The following CSMD1 variants were observed in gnomAD, a reference collection of about 807,000 sequenced individuals.
The protein encoded by CSMD1 is CUB and sushi domain-containing protein 1.
CSMD1 carries 213 observed loss-of-function variants against 417.5 expected under a neutral mutation model. That is an observed-to-expected ratio of 0.51 (90% CI 0.46 to 0.57). The LOEUF is 0.57. Ranked by LOEUF, CSMD1 falls within the 20% of genes least tolerant of loss-of-function variation. The probability of loss-of-function intolerance (pLI) is 0.00; values close to 1 mark genes in which losing one functional copy is unlikely to be tolerated. For missense variants in CSMD1, 6,923 were observed against 4,529.7 expected (o/e 1.53, Z -15.17); for synonymous variants, 2,862 against 1,736.8 (o/e 1.65, Z -16.11).
intron 12 of CSMD1, among the ~76,000 whole-genome samples, 184 bp downstream of exon 12, chr8:3,468,528 G>T (rs931894784): frequency 2.6e-5 from 4 of 152,152 alleles, no homozygotes; most frequent in African/African-American, 9.7e-5. Flanking sequence ...CGAGTTTTCA[G>T]AAGTTAAACA....
chr8:4,524,595 T>A (rs577652381), intron 2 of CSMD1, among the ~76,000 whole-genome samples: 1 of 135,938 alleles, frequency 7.4e-6, no homozygotes, highest in South Asian at 2.4e-4. Context: ...TTTGGTTTGG[T>A]TTGGGTTTTT....
chr8:2,966,267 G>C (rs1483221997), intron 58 of CSMD1, among the ~76,000 whole-genome samples: 1 of 152,124 alleles, frequency 6.6e-6, no homozygotes, highest in Non-Finnish European at 1.5e-5. Context: ...GAGAACCAAA[G>C]ACATTTCTTC....
chr8:4,540,013 T>G (rs1006444678), intron 2 of CSMD1, among the ~76,000 whole-genome samples: 1 of 152,148 alleles, frequency 6.6e-6, no homozygotes, highest in South Asian at 2.1e-4. Flanking sequence ...CGGGGCCCTC[T>G]TCCCCTCCTC....
intron 9 of CSMD1, among the ~76,000 whole-genome samples, chr8:3,578,043 G>A (rs984201722): frequency 6.6e-6 from 1 of 152,096 alleles, no homozygotes; most frequent in African/African-American, 2.4e-5. Flanking sequence ...TATTACCTGG[G>A]CCAGGAAAGC....
chr8:4,420,820 G>A (rs553797324), intron 2 of CSMD1, among the ~76,000 whole-genome samples: 1 of 152,134 alleles, frequency 6.6e-6, no homozygotes, highest in African/African-American at 2.4e-5. Flanking sequence ...CCACATTCTG[G>A]TAAGTAGCTT....
chr8:3,716,769 A>G (rs1343762894), intron 6 of CSMD1, among the ~76,000 whole-genome samples: 1 of 152,142 alleles, frequency 6.6e-6, no homozygotes, highest in Non-Finnish European at 1.5e-5. Flanking sequence ...GCCTCTTGAC[A>G]ATATGGTTCA....
Position 4,042,815 on chromosome 8 carries a change from T to TA in CSMD1, c.416-10717dup, listed in dbSNP as rs60411612. 5.3e-3 allele frequency among the ~76,000 whole-genome samples: 219 copies of TA among 41,308 alleles called. 12 individuals are homozygous for TA. The highest frequency in any genetic ancestry group is 0.023 in the East Asian group (34 of 1,454). The allele number at this position is 41,308 out of a possible 152,430, so 27.1% of individuals were successfully genotyped here. A position where few individuals can be genotyped will look rare whatever the true frequency, so the allele number is the denominator to read the frequency against. ...CAATAGGTGAAGTGGTACAACATAT[T>TA]AAAAAAAAAAAAAAAAAAAAAAAAA... On this transcript the variant is annotated intron_variant, in intron 3 of 69. Transcript: ENST00000635120.
chr8:4,581,968 TG>T (rs1563306922), intron 2 of CSMD1, among the ~76,000 whole-genome samples: 1 of 152,114 alleles, frequency 6.6e-6, no homozygotes, highest in Non-Finnish European at 1.5e-5. Flanking sequence ...AAGCATTTGA[TG>T]GAAGACAAAC....
At chr8:3,827,454 T>C (rs1427391076) in intron 5 of CSMD1, among the ~76,000 whole-genome samples, 1 of 152,218 alleles carries the variant, frequency 6.6e-6, no homozygotes, top group Non-Finnish European at 1.5e-5. Context: ...ATTTTAATAG[T>C]GCAAAACCTG....
At chr8:3,533,067 C>A (rs1040876746) in intron 10 of CSMD1, among the ~76,000 whole-genome samples, 1 of 152,078 alleles carries the variant, frequency 6.6e-6, no homozygotes, top group Non-Finnish European at 1.5e-5. Flanking sequence ...ATAAACAGCT[C>A]GTAATTCATC....
chr8:3,032,411 T>C (rs897410983), intron 50 of CSMD1, among the ~76,000 whole-genome samples: 7 of 151,956 alleles, frequency 4.6e-5, no homozygotes, highest in African/African-American at 1.7e-4. Context: ...CCTGCGTTCA[T>C]ACAAAAACAG....
chr8:4,851,123 C>G (rs866602266), intron 1 of CSMD1, among the ~76,000 whole-genome samples: 33 of 134,214 alleles, frequency 2.5e-4, no homozygotes, highest in South Asian at 1.2e-3. Context: ...CAACAGTCCC[C>G]GGAGTGTGAT....
chr8:4,771,008 A>G (rs1796572133), intron 1 of CSMD1, among the ~76,000 whole-genome samples: 1 of 152,320 alleles, frequency 6.6e-6, no homozygotes, highest in East Asian at 1.9e-4. Flanking sequence ...AATCAACAAA[A>G]TGAAAAGGCA....
Position 4,055,880 on chromosome 8 carries a change from G to A in CSMD1, c.416-23781C>T, listed in dbSNP as rs537428646. 3.6e-4 allele frequency among the ~76,000 whole-genome samples: 54 copies of A among 152,042 alleles called. No individual in the cohort carries two copies. The South Asian group carries it at 6.7e-3, about 19-fold the overall frequency. On this transcript the variant is annotated intron_variant, in intron 3 of 69. Transcript: ENST00000635120. ...CAGCTTATTTAAACATACCAAAATA[G>A]CACTTACATACAAATGATGAGTCAT...
chr8:4,792,800 G>C (rs1797761515), intron 1 of CSMD1, among the ~76,000 whole-genome samples: 1 of 152,092 alleles, frequency 6.6e-6, no homozygotes, highest in South Asian at 2.1e-4. Flanking sequence ...AGGCGTACTT[G>C]TAATATTTAA....
intron 41 of CSMD1, among the ~76,000 whole-genome samples, chr8:3,123,907 T>C (rs1817351673): frequency 6.6e-6 from 1 of 152,184 alleles, no homozygotes; most frequent in Non-Finnish European, 1.5e-5. Context: ...GTCTTTCGGG[T>C]GACTTAAGAA....
At position 4,674,293 on chromosome 8, in the gene CSMD1, A is replaced by T. The variant is rs562755655; in HGVS notation, c.86-36735T>A. On this transcript the variant is annotated intron_variant, in intron 1 of 69. Transcript: ENST00000635120. ...GTTGAGTCTGGCATGTGCAGGGCAC[A>T]GGGATGGACCTGGATTGAGGCTGAA... Among the ~76,000 whole-genome samples, 22 of 152,322 alleles carry T rather than the reference A, an allele frequency of 1.4e-4. No individual in the cohort carries two copies. The South Asian group carries it at 4.3e-3, about 30-fold the overall frequency.
At chr8:4,030,542 G>A (rs751408391) in intron 4 of CSMD1, among the ~76,000 whole-genome samples, 30 of 152,274 alleles carry the variant, frequency 2.0e-4, no homozygotes, top group African/African-American at 5.8e-4. Flanking sequence ...ACAGCATGGG[G>A]ACCCTTGGCC....
intron 23 of CSMD1, among the ~76,000 whole-genome samples, chr8:3,308,904 TA>T (rs1805106039): frequency 6.6e-6 from 1 of 152,040 alleles, no homozygotes; most frequent in African/African-American, 2.4e-5. Context: ...TTTGTATTTT[TA>T]GTAGAGACGG....
Sources: gnomAD v4.1 joint callset for allele counts (sites outside exome capture counted in the v4.1 genomes callset) on GRCh38, gnomAD v4.1.1 for gene constraint, MANE v1.5 for transcripts, NCBI Gene and HGNC (gene_info 2026-07-23, HGNC 2026-07-21) for gene names.